Variants in DPP10 observed in about 807,000 individuals in gnomAD.
DPP10 encodes the protein dipeptidyl peptidase like 10, also known as inactive dipeptidyl peptidase 10.
DPP10 carries 33 observed loss-of-function variants against 120.9 expected under a neutral mutation model. The observed-to-expected ratio is 0.27, with a 90% confidence interval of 0.21 to 0.37. DPP10 has a LOEUF of 0.37. Ranked by LOEUF, DPP10 falls within the 10% of genes least tolerant of loss-of-function variation. The pLI, the probability that DPP10 is intolerant of heterozygous loss-of-function variation, is 1.00. For synonymous variants in DPP10, 337 were observed against 326.1 expected, an observed-to-expected ratio of 1.03 and a Z score of -0.36; for missense variants, 816 against 942.8, an observed-to-expected ratio of 0.87 and a Z score of 1.76.
rs1409483110 is a variant in DPP10 at position 114,748,344 on chromosome 2, TTTTTTTA to T, written c.60+305513_60+305519del. Among the ~76,000 whole-genome samples the T allele has an allele frequency of 7.1e-4, 93 of 130,800 alleles. 1 individual carries two copies. The highest frequency in any genetic ancestry group is 2.6e-3 in the African/African-American group (82 of 32,086). The allele number at this position is 130,800 out of a possible 152,430, so 85.8% of individuals were successfully genotyped here. On this transcript the variant is annotated intron_variant, in intron 1 of 25. Transcript: ENST00000410059. ...GTAGGACAAAGGGAATTTTCTTTTT[TTTTTTTA>T]TTTTTTTTTATTTTATTTATTTATT...
intron 1 of DPP10, among the ~76,000 whole-genome samples, chr2:114,602,483 A>C (rs1335298027): frequency 6.6e-6 from 1 of 151,996 alleles, no homozygotes; most frequent in Non-Finnish European, 1.5e-5. Context: ...TCATCATCCC[A>C]GCTCATATTT....
rs554009658 is a variant in DPP10, at chr2:115,457,127, C to A, written c.272-42383C>A. On this transcript the variant is annotated intron_variant, in intron 3 of 25. Transcript: ENST00000410059. ...AAGAAATAAGCCCTTAGGTTTATGG[C>A]CAATTAATTTAAAAAAATAGCAAGG... Among the ~76,000 whole-genome samples the A allele has an allele frequency of 2.6e-5, 4 of 151,420 alleles. No individual in the cohort carries two copies. In the East Asian group the frequency reaches 5.8e-4, roughly 22 times the overall value.
chr2:114,673,057 G>C (rs536213945), intron 1 of DPP10, among the ~76,000 whole-genome samples: 1 of 152,224 alleles, frequency 6.6e-6, no homozygotes, highest in South Asian at 2.1e-4. Context: ...ACTGTGATTT[G>C]AGTATTGTAT....
At chr2:115,650,328 C>A (rs1177185472) in intron 5 of DPP10, among the ~76,000 whole-genome samples, 5 of 145,412 alleles carry the variant, frequency 3.4e-5, no homozygotes, top group Non-Finnish European at 6.0e-5. Context: ...CACTGAGTAA[C>A]TTTTTTTTGA....
intron 1 of DPP10, among the ~76,000 whole-genome samples, chr2:115,236,970 A>G (rs966949325): frequency 1.3e-5 from 2 of 152,206 alleles, no homozygotes; most frequent in African/African-American, 4.8e-5. Context: ...AAAGATTACA[A>G]TGTTGAAAAT....
chr2:115,511,286 A>G (rs1338846195), intron 4 of DPP10, among the ~76,000 whole-genome samples: 5 of 152,092 alleles, frequency 3.3e-5, no homozygotes, highest in Admixed American at 6.6e-5. Flanking sequence ...CCTATTCCAA[A>G]TATATATTAC....
chr2:115,245,009 C>T (rs1387446425), intron 1 of DPP10, among the ~76,000 whole-genome samples: 1 of 151,940 alleles, frequency 6.6e-6, no homozygotes, highest in Non-Finnish European at 1.5e-5. Context: ...GCCCCTTCCC[C>T]CCGAGTCTCC....
At chr2:115,048,543 G>A (rs991259386) in intron 1 of DPP10, among the ~76,000 whole-genome samples, 1 of 151,814 alleles carries the variant, frequency 6.6e-6, no homozygotes, top group African/African-American at 2.4e-5. Context: ...TTTTTATTTG[G>A]CTCATGATAA....
intron 1 of DPP10, among the ~76,000 whole-genome samples, chr2:115,140,233 CAG>C (rs149314230): frequency 2.0e-3 from 298 of 152,254 alleles, no homozygotes; most frequent in African/African-American, 7.0e-3. Flanking sequence ...TGACATTTGA[CAG>C]AGATGTAGAG....
intron 1 of DPP10, among the ~76,000 whole-genome samples, chr2:114,546,521 C>A (rs758676473): frequency 1.3e-5 from 2 of 152,184 alleles, no homozygotes; most frequent in African/African-American, 2.4e-5. Context: ...AACTATATTA[C>A]TCATGCAGCC....
chr2:115,619,784 T>G (rs2084809416), intron 5 of DPP10, among the ~76,000 whole-genome samples: 1 of 152,210 alleles, frequency 6.6e-6, no homozygotes, highest in South Asian at 2.1e-4. Flanking sequence ...TTTTTCTGTC[T>G]TCTTTTGTAA....
intron 1 of DPP10, among the ~76,000 whole-genome samples, chr2:114,608,682 A>G (rs1356829207): frequency 6.6e-6 from 1 of 152,048 alleles, no homozygotes; most frequent in Non-Finnish European, 1.5e-5. Context: ...TGGTACATAT[A>G]CACCATGGAC....
chr2:115,592,589 C>CA (rs56189518), intron 5 of DPP10, among the ~76,000 whole-genome samples: 5 of 146,564 alleles, frequency 3.4e-5, no homozygotes, highest in East Asian at 2.0e-4. Flanking sequence ...ACAAAAAAAA[C>CA]AAAAAAAAAA....
chr2:115,447,133 A>T (rs976786852), intron 3 of DPP10, among the ~76,000 whole-genome samples: 1 of 152,140 alleles, frequency 6.6e-6, no homozygotes, highest in South Asian at 2.1e-4. Context: ...TGTGTCCTGG[A>T]TGTGAGACAT....
chr2:115,672,462 A>G (rs77681823), intron 5 of DPP10, among the ~76,000 whole-genome samples: 1 of 152,162 alleles, frequency 6.6e-6, no homozygotes, highest in Non-Finnish European at 1.5e-5. Flanking sequence ...GGGCAAGAAA[A>G]AAATGAGCTC....
At chr2:114,568,781 C>T (rs1689406718) in intron 1 of DPP10, among the ~76,000 whole-genome samples, 1 of 152,190 alleles carries the variant, frequency 6.6e-6, no homozygotes, top group South Asian at 2.1e-4. Flanking sequence ...ACCTATCCCT[C>T]TCTCTTGCTC....
intron 1 of DPP10, among the ~76,000 whole-genome samples, chr2:114,445,075 C>G (rs187616348): frequency 6.6e-6 from 1 of 152,058 alleles, no homozygotes; most frequent in Non-Finnish European, 1.5e-5. Context: ...TAAAGAAAAA[C>G]TCTAAGATGA....
intron 1 of DPP10, among the ~76,000 whole-genome samples, chr2:114,898,730 G>C (rs990422666): frequency 6.6e-6 from 1 of 152,098 alleles, no homozygotes; most frequent in African/African-American, 2.4e-5. Context: ...TTCAATAGCT[G>C]ATTTCACAAG....
intron 7 of DPP10, among the ~76,000 whole-genome samples, chr2:115,692,986 A>G (rs950843003): frequency 2.0e-5 from 3 of 152,192 alleles, no homozygotes; most frequent in Non-Finnish European, 4.4e-5. Context: ...GAAATCCTAC[A>G]AACAACCCTG....
Sources: gnomAD v4.1 joint callset for allele counts (sites outside exome capture counted in the v4.1 genomes callset) on GRCh38, gnomAD v4.1.1 for gene constraint, MANE v1.5 for transcripts, NCBI Gene and HGNC (gene_info 2026-07-23, HGNC 2026-07-21) for gene names.